Variants in SHANK2 observed in about 807,000 individuals in gnomAD.
SHANK2 encodes the protein SH3 and multiple ankyrin repeat domains protein 2.
Under a neutral mutation model 133.7 loss-of-function variants are expected in SHANK2, and 43 were observed. That is an observed-to-expected ratio of 0.32 (90% CI 0.25 to 0.41). SHANK2 has a LOEUF of 0.41. SHANK2 is among the 10% of genes least tolerant of loss of function. The pLI, the probability that SHANK2 is intolerant of heterozygous loss-of-function variation, is 1.00. For synonymous variants in SHANK2, 1,017 were observed against 952.8 expected (o/e 1.07, Z -1.24); for missense variants, 1,994 against 2,235.8 (o/e 0.89, Z 2.18).
intron 14 of SHANK2, among the ~76,000 whole-genome samples, chr11:70,713,533 G>C (rs1555026615): frequency 6.6e-6 from 1 of 152,234 alleles, no homozygotes; most frequent in East Asian, 1.9e-4. Context: ...TCACAGGTTG[G>C]CTGAGGGTGT....
At chr11:70,695,589 C>T (rs979286564) in intron 15 of SHANK2, among the ~76,000 whole-genome samples, 4 of 152,292 alleles carry the variant, frequency 2.6e-5, no homozygotes, top group Admixed American at 6.5e-5. Flanking sequence ...ATCCTCACCG[C>T]GGGAGGGTGG....
chr11:70,878,780 G>A (rs924404278), intron 11 of SHANK2, among the ~76,000 whole-genome samples: 7 of 152,222 alleles, frequency 4.6e-5, no homozygotes, highest in Non-Finnish European at 1.5e-5. Context: ...AGGGCTCAAA[G>A]CAGCTCCCTT....
At chr11:71,119,320 G>A (rs565329579) in intron 3 of SHANK2, among the ~76,000 whole-genome samples, 1 of 152,162 alleles carries the variant, frequency 6.6e-6, no homozygotes, top group African/African-American at 2.4e-5. Context: ...GGTGGCTCAC[G>A]CCTGTCATCC....
intron 14 of SHANK2, among the ~76,000 whole-genome samples, chr11:70,723,105 A>C (rs1946103426): frequency 1.3e-5 from 2 of 152,196 alleles, no homozygotes; most frequent in Admixed American, 6.5e-5. Flanking sequence ...CAAACTCATA[A>C]GGTGGCCCTG....
Position 71,108,942 on chromosome 11 carries a change from C to T in SHANK2, c.592+999G>A, listed in dbSNP as rs184028577. ...GCTGAATCCACACCCAGCGGGCCCC[C>T]CCCCAGCGTTCAGAGGTCGAGGGGG... On this transcript the variant is annotated intron_variant, in intron 6 of 25. Coordinates refer to ENST00000601538, the MANE Select transcript of SHANK2 (RefSeq NM_012309.5). Among the ~76,000 whole-genome samples the T allele has an allele frequency of 2.6e-5, 4 of 152,320 alleles. No homozygotes were observed. The East Asian group carries it at 5.8e-4, about 22-fold the overall frequency.
chr11:70,931,811 C>T (rs1555082537), intron 10 of SHANK2, among the ~76,000 whole-genome samples: 1 of 152,262 alleles, frequency 6.6e-6, no homozygotes, highest in African/African-American at 2.4e-5. Context: ...AAGGGCCAAT[C>T]TCTTCTGAGC....
chr11:71,169,795 T>C (rs892786157), intron 2 of SHANK2, among the ~76,000 whole-genome samples: 1 of 150,928 alleles, frequency 6.6e-6, no homozygotes, highest in Non-Finnish European at 1.5e-5. Context: ...TAAAACTAGA[T>C]ACTGATTTTT....
At chr11:70,574,332 ATTCCCCACC>A (rs1351470434) in intron 17 of SHANK2, among the ~76,000 whole-genome samples, 1 of 152,212 alleles carries the variant, frequency 6.6e-6, no homozygotes, top group Non-Finnish European at 1.5e-5. Context: ...AGGGCACTAA[ATTCCCCACC>A]TTCCCCACTG....
At position 70,830,024 on chromosome 11, in the gene SHANK2, C is replaced by G. The variant is rs1415632485; in HGVS notation, c.1175-9342G>C. 6.6e-6 allele frequency among the ~76,000 whole-genome samples: 1 copy of G among 152,202 alleles called. No homozygotes were observed. The highest frequency in any genetic ancestry group is 2.4e-5 in the African/African-American group (1 of 41,448). On this transcript the variant is annotated intron_variant, in intron 11 of 25. Transcript: ENST00000601538. This position sits in a 1 kb window ranked among gnomAD's most constrained non-coding sequence, Gnocchi z 4.4. Reference sequence around the variant, plus strand: ...GACGCGGGCAGCAGCCTGTAAGAGCCTCCTTCCCCCACACCCACCACTTGC... The same window carrying G: ...GACGCGGGCAGCAGCCTGTAAGAGCGTCCTTCCCCCACACCCACCACTTGC...
Position 71,094,597 on chromosome 11 carries a change from G to C in SHANK2, c.684C>G (p.Ala228=). 2.6e-6 allele frequency: 4 copies of C among 1,551,668 alleles called. No individual in the cohort carries two copies. The highest frequency in any genetic ancestry group is 3.5e-6 in the Non-Finnish European group (4 of 1,146,968). The stretch of plus-strand genomic sequence containing the variant: ...TGTGTAGGGCGGTCATCCCATCTTT[G>C]GCACGGAAGTCCAGGTGAGCTCCAC... ...KNGGAHLDFR[A]KDGMTALHKA... is the part of the protein sequence containing the mutation. Residue 228 remains alanine (A), a synonymous_variant, in exon 7 of 26, where the codon GCC becomes GCG. Transcript: ENST00000601538.
At chr11:70,806,054 G>T (rs2135265968) in intron 13 of SHANK2, among the ~76,000 whole-genome samples, 1 of 152,374 alleles carries the variant, frequency 6.6e-6, no homozygotes, top group East Asian at 1.9e-4. Context: ...GTGTCGCGCA[G>T]AGAAAGGAAC....
chr11:70,953,005 C>T (rs1590869757), intron 10 of SHANK2, among the ~76,000 whole-genome samples: 1 of 152,084 alleles, frequency 6.6e-6, no homozygotes, highest in Admixed American at 6.5e-5. Context: ...CTGATCTCTG[C>T]CCCCATCCCA....
chr11:70,840,163 C>T (rs1477280125), intron 11 of SHANK2, among the ~76,000 whole-genome samples: 5 of 152,342 alleles, frequency 3.3e-5, no homozygotes, highest in African/African-American at 1.2e-4. Context: ...CACAGCTTCC[C>T]AGGCAGTGAA....
intron 14 of SHANK2, among the ~76,000 whole-genome samples, chr11:70,727,766 C>G (rs1565273450): frequency 6.6e-6 from 1 of 152,196 alleles, no homozygotes; most frequent in Non-Finnish European, 1.5e-5. Context: ...GGGGCCCCAG[C>G]CCTACCCGCA....
intron 17 of SHANK2, among the ~76,000 whole-genome samples, chr11:70,606,783 G>A (rs1249675308): frequency 1.3e-5 from 2 of 152,180 alleles, no homozygotes; most frequent in Admixed American, 1.3e-4. Context: ...CGCTTCTGCA[G>A]TCCTGATTCC....
intron 11 of SHANK2, among the ~76,000 whole-genome samples, chr11:70,827,354 G>A (rs1225084001): frequency 3.3e-5 from 5 of 151,142 alleles, no homozygotes; most frequent in Admixed American, 2.0e-4. Context: ...TGATAAAAGC[G>A]AGCTCTTCAG....
chr11:70,521,063 C>T (rs1254902060), intron 17 of SHANK2, among the ~76,000 whole-genome samples: 6 of 152,232 alleles, frequency 3.9e-5, no homozygotes, highest in African/African-American at 1.4e-4. Flanking sequence ...CAATACCTTC[C>T]TTGCTTTTGG....
chr11:70,806,755 G>A (rs1948169794), intron 13 of SHANK2, among the ~76,000 whole-genome samples: 1 of 152,212 alleles, frequency 6.6e-6, no homozygotes, highest in Non-Finnish European at 1.5e-5. Flanking sequence ...TTCTCAAGTG[G>A]AATCTCATTC....
At chr11:70,529,757 C>G (rs1319017032) in intron 17 of SHANK2, among the ~76,000 whole-genome samples, 9 of 152,296 alleles carry the variant, frequency 5.9e-5, no homozygotes, top group African/African-American at 2.2e-4. Flanking sequence ...TTTGCCTATT[C>G]TGGGCATTTC....
Sources: gnomAD v4.1 joint callset for allele counts (sites outside exome capture counted in the v4.1 genomes callset) on GRCh38, gnomAD v4.1.1 for gene constraint, Gnocchi (gnomAD v3.1) non-coding constraint, MANE v1.5 for transcripts, NCBI Gene and HGNC (gene_info 2026-07-23, HGNC 2026-07-21) for gene names.